The following CPNE3 variants were observed in gnomAD, a reference collection of about 807,000 sequenced individuals.
CPNE3 encodes copine 3.
Under a neutral mutation model 63.9 loss-of-function variants are expected in CPNE3, and 68 were observed. The observed-to-expected ratio is 1.06, with a 90% CI of 0.87 to 1.30. The LOEUF is 1.30. Ranked by LOEUF, CPNE3 falls within the 50% of genes most tolerant of loss-of-function variation. The probability of loss-of-function intolerance (pLI) is 0.00; values close to 1 mark genes in which losing one functional copy is unlikely to be tolerated. For synonymous variants in CPNE3, 219 were observed against 197.5 expected, an observed-to-expected ratio of 1.11 and a Z score of -0.91; for missense variants, 665 against 578.1, an observed-to-expected ratio of 1.15 and a Z score of -1.54.
At chr8:86,548,559 C>T (rs1163236624) in intron 12 of CPNE3, 125 bp downstream of exon 12, 4 of 1,172,064 alleles carry the variant, frequency 3.4e-6, no homozygotes, top group Non-Finnish European at 4.8e-6. Flanking sequence ...CTAAAATCCC[C>T]CCGTCTTATC....
At chr8:86,552,922 C>G (rs1427338355) in intron 14 of CPNE3, among the ~76,000 whole-genome samples, 1 of 128,260 alleles carries the variant, frequency 7.8e-6, no homozygotes, top group African/African-American at 2.8e-5. Context: ...TCACTGCAAC[C>G]TCCTCCTCCC....
At chr8:86,553,681 C>T (rs1412306801) in intron 14 of CPNE3, among the ~76,000 whole-genome samples, 15 of 151,572 alleles carry the variant, frequency 9.9e-5, no homozygotes, top group Admixed American at 9.8e-4. Context: ...GTATATGCTT[C>T]TCCTTTTTGT....
At chr8:86,523,175 G>C (rs1820472262) in intron 2 of CPNE3, among the ~76,000 whole-genome samples, 1 of 152,072 alleles carries the variant, frequency 6.6e-6, no homozygotes, top group African/African-American at 2.4e-5. Flanking sequence ...CAGTTGTCAG[G>C]GTTTTTATTA....
intron 6 of CPNE3, among the ~76,000 whole-genome samples, chr8:86,534,126 T>C (rs968872857): frequency 6.6e-6 from 1 of 152,152 alleles, no homozygotes; most frequent in Admixed American, 6.5e-5. Flanking sequence ...TTTTCCATAT[T>C]CTGCATATGG....
At position 86,556,943 on chromosome 8, in the gene CPNE3, T is replaced by C. The variant is rs551023613; in HGVS notation, c.1491+605T>C. Among the ~76,000 whole-genome samples the C allele has an allele frequency of 7.1e-4, 108 of 152,310 alleles. 5 individuals carry two copies. In the South Asian group the frequency reaches 0.021, roughly 30 times the overall value. Reference sequence around the variant, plus strand: ...ATACAACCTTTTGGGATTGGCTTTTTTTCCACTCAGCATCACTCTCGAGAA... The same window carrying C: ...ATACAACCTTTTGGGATTGGCTTTTCTTCCACTCAGCATCACTCTCGAGAA... On this transcript the variant is annotated intron_variant, in intron 16 of 16. Coordinates refer to ENST00000517490, the MANE Select transcript of CPNE3 (RefSeq NM_003909.5).
rs566690243 is a variant in CPNE3 at position 86,559,717 on chromosome 8, G to C, written c.*1307G>C. The C allele has an allele frequency of 6.6e-6, 1 of 151,876 alleles. No individual in the cohort carries two copies. Among genetic ancestry groups the C allele is most frequent in the East Asian group, 1.9e-4 (1 of 5,160 alleles). The allele number at this position is 151,876 out of a possible 1,614,324, so 9.4% of individuals were successfully genotyped here. A position where few individuals can be genotyped will look rare whatever the true frequency, so the allele number is the denominator to read the frequency against. ...TTACTTAGTGAACATTACATTTTCA[G>C]AATAGATCCTAATATTTTATTGAGG... On this transcript the variant is annotated 3_prime_UTR_variant, in exon 17 of 17. Transcript: ENST00000517490.
chr8:86,529,495 TGCTGACTC>T (rs992143504), intron 4 of CPNE3, among the ~76,000 whole-genome samples: 33 of 152,312 alleles, frequency 2.2e-4, no homozygotes, highest in African/African-American at 7.5e-4. Context: ...GACTGGCACC[TGCTGACTC>T]GCAATGCCCC....
At chr8:86,545,007 A>G (rs1312865552) in intron 9 of CPNE3, 169 bp downstream of exon 9, 2 of 372,044 alleles carry the variant, frequency 5.4e-6, no homozygotes, top group Non-Finnish European at 9.5e-6. Context: ...TACTTGGGGC[A>G]TGAATTTTAT....
At chr8:86,533,399 T>A (rs1306008100) in intron 6 of CPNE3, among the ~76,000 whole-genome samples, 1 of 151,868 alleles carries the variant, frequency 6.6e-6, no homozygotes, top group Non-Finnish European at 1.5e-5. Flanking sequence ...AAAAATTAGC[T>A]GGGTGTGGTG....
rs1266507342 is a variant in CPNE3 at position 86,551,047 on chromosome 8, G to A, written c.1015G>A (p.Asp339Asn). 6 of 1,599,208 alleles carry A rather than the reference G, an allele frequency of 3.8e-6. No homozygotes were observed. Among genetic ancestry groups the A allele is most frequent in the Non-Finnish European group, 4.3e-6 (5 of 1,172,712 alleles). Residue 339 changes from aspartate (D) to asparagine (N), a missense_variant and splice_region_variant, in exon 13 of 17, where the codon GAT becomes AAT. Physicochemically the swap from Asp to Asn is conservative, Grantham distance 23. Coordinates refer to ENST00000517490, the MANE Select transcript of CPNE3 (RefSeq NM_003909.5). The part of the protein sequence containing the change: ...VGLVIQDYDA[D>N]KMFPAFGFGA... ...TATTAAATATTTTTTTCTTTTTAGTGATAAGATGTTTCCAGCTTTTGGTTT... is the reference window on the plus strand; with the variant it reads ...TATTAAATATTTTTTTCTTTTTAGTAATAAGATGTTTCCAGCTTTTGGTTT...
intron 2 of CPNE3, among the ~76,000 whole-genome samples, chr8:86,527,091 T>C (rs1197147193): frequency 6.6e-6 from 1 of 152,204 alleles, no homozygotes. Context: ...TATTTAAATA[T>C]AACAAGATAA....
At chr8:86,524,606 G>A (rs904974229) in intron 2 of CPNE3, 1 of 151,328 alleles carries the variant, frequency 6.6e-6, no homozygotes, top group African/African-American at 2.4e-5. Flanking sequence ...TGCATTCTTT[G>A]CCAGGTGACT....
chr8:86,531,743 G>A (rs1820688514), intron 5 of CPNE3, among the ~76,000 whole-genome samples: 1 of 152,018 alleles, frequency 6.6e-6, no homozygotes, highest in African/African-American at 2.4e-5. Context: ...CTGGCTTTAA[G>A]CAAATGAATA....
intron 8 of CPNE3, among the ~76,000 whole-genome samples, chr8:86,541,705 T>TAAAA (rs536813276): frequency 8.2e-6 from 1 of 122,196 alleles, no homozygotes. Flanking sequence ...GACCGTGTCT[T>TAAAA]AAAAAAAAAA....
At chr8:86,541,705 TAAA>T (rs536813276) in intron 8 of CPNE3, among the ~76,000 whole-genome samples, 4 of 122,184 alleles carry the variant, frequency 3.3e-5, no homozygotes, top group Admixed American at 1.7e-4. Context: ...GACCGTGTCT[TAAA>T]AAAAAAAAAA....
At chr8:86,554,257 C>T (rs1821261526) in intron 14 of CPNE3, 1 of 152,272 alleles carries the variant, frequency 6.6e-6, no homozygotes, top group African/African-American at 2.4e-5. Flanking sequence ...AGGGGTAGTA[C>T]CCCTAAACAA....
At position 86,533,825 on chromosome 8, in the gene CPNE3, C is replaced by T. The variant is rs77948912; in HGVS notation, c.459+1245C>T. ...ATATAATTGTTTAAAGTGTGTCTTA[C>T]GTCCTTTTAAATCTGTAAATTTCTT... On this transcript the variant is annotated intron_variant, in intron 6 of 16. Transcript: ENST00000517490. Among the ~76,000 whole-genome samples, 481 of 152,218 alleles carry T rather than the reference C, an allele frequency of 3.2e-3. 2 individuals are homozygous for T. Among genetic ancestry groups the T allele is most frequent in the African/African-American group, 0.011 (457 of 41,566 alleles).
intron 2 of CPNE3, among the ~76,000 whole-genome samples, chr8:86,520,219 C>G (rs2131420856): frequency 6.6e-6 from 1 of 152,262 alleles, no homozygotes; most frequent in Non-Finnish European, 1.5e-5. Context: ...TTAAGAATTA[C>G]TTAAAGAAAG....
intron 14 of CPNE3, among the ~76,000 whole-genome samples, chr8:86,554,635 C>T (rs1821271133): frequency 6.6e-6 from 1 of 152,114 alleles, no homozygotes; most frequent in African/African-American, 2.4e-5. Flanking sequence ...AAGTAAATCC[C>T]TTCTATTGGG....
Sources: allele counts gnomAD v4.1 joint callset (sites outside exome capture counted in the v4.1 genomes callset), GRCh38; gene constraint gnomAD v4.1.1; transcripts MANE v1.5; gene names NCBI Gene and HGNC (gene_info 2026-07-23, HGNC 2026-07-21).